COL22A1: variants seen among roughly 807,000 people sequenced by gnomAD.
COL22A1 encodes the protein collagen alpha-1(XXII) chain.
In COL22A1, 221 loss-of-function variants were observed where a neutral mutation model predicts 248.9. The observed-to-expected ratio is 0.89, with a 90% CI of 0.80 to 0.99. The LOEUF is 0.99. COL22A1 is among the 50% of genes least tolerant of loss of function. COL22A1 has a pLI of 0.00. For missense variants in COL22A1, 2,240 were observed against 2,179.0 expected, an observed-to-expected ratio of 1.03 and a Z score of -0.56; for synonymous variants, 891 against 793.4, an observed-to-expected ratio of 1.12 and a Z score of -2.07.
chr8:138,828,978 ACTTCC>A (rs918238835), intron 5 of COL22A1, among the ~76,000 whole-genome samples: 5 of 152,062 alleles, frequency 3.3e-5, no homozygotes, highest in African/African-American at 9.7e-5. Context: ...CATGATATTG[ACTTCC>A]CTGCTGGAGG....
rs747861811 is a variant in COL22A1 at position 138,751,508 on chromosome 8, G to A, written c.2035C>T (p.Pro679Ser). The A allele has an allele frequency of 6.8e-6, 11 of 1,610,748 alleles. No homozygotes were observed. The highest frequency in any genetic ancestry group is 1.1e-5 in the South Asian group (1 of 90,768). Residue 679 changes from proline to serine, a missense_variant, in exon 22 of 65, where the codon CCA (proline) becomes TCA (serine). Pro to Ser is a moderately conservative substitution (Grantham distance 74). Transcript: ENST00000303045. The stretch of plus-strand genomic sequence containing the variant: ...CCATCCCTGCCTTCTGGGCCTATTG[G>A]ACCCTTTAGGAGGGAGAAAAAGGAA... ...GAPGPPGARGPIGPEGRDGPP... is the reference protein window; with the variant it reads ...GAPGPPGARGSIGPEGRDGPP...
At chr8:138,871,951 G>A (rs1292571522) in intron 3 of COL22A1, among the ~76,000 whole-genome samples, 1 of 152,144 alleles carries the variant, frequency 6.6e-6, no homozygotes. Flanking sequence ...ATAAGTATCA[G>A]TACACCTACC....
intron 1 of COL22A1, among the ~76,000 whole-genome samples, chr8:138,883,778 G>C (rs1025846684): frequency 2.0e-5 from 3 of 152,134 alleles, no homozygotes; most frequent in African/African-American, 7.2e-5. Context: ...ATAACTGTAA[G>C]TTCCCTGGGG....
chr8:138,822,600 C>T (rs995247994), intron 6 of COL22A1, among the ~76,000 whole-genome samples: 1 of 152,178 alleles, frequency 6.6e-6, no homozygotes, highest in Admixed American at 6.5e-5. Flanking sequence ...CTCTAATATT[C>T]ACGTGTTGCC....
chr8:138,872,165 A>G (rs1439918794), intron 3 of COL22A1, among the ~76,000 whole-genome samples: 1 of 152,194 alleles, frequency 6.6e-6, no homozygotes, highest in Non-Finnish European at 1.5e-5. Flanking sequence ...CTCCTCACAC[A>G]AAAGAAGCCT....
chr8:138,803,521 T>TA (rs1033298736), intron 10 of COL22A1, among the ~76,000 whole-genome samples: 128 of 149,558 alleles, frequency 8.6e-4, no homozygotes, highest in African/African-American at 3.1e-3. Context: ...TAAAGTATAA[T>TA]AAAAAAATAA....
intron 23 of COL22A1, among the ~76,000 whole-genome samples, chr8:138,731,527 C>A (rs1348077683): frequency 1.3e-5 from 2 of 152,022 alleles, no homozygotes; most frequent in Non-Finnish European, 2.9e-5. Context: ...TGGGACACAA[C>A]CTGATACTCA....
rs549148133 is a variant in COL22A1 at position 138,771,843 on chromosome 8, C to T, written c.1803+4123G>A. 8.5e-5 allele frequency among the ~76,000 whole-genome samples: 13 copies of T among 152,292 alleles called. No homozygotes were observed. The East Asian group carries it at 1.5e-3, about 18-fold the overall frequency. ...TGTCCCAGTGGCAGACCTGGCCCCC[C>T]GGGGCCTGCGGAGAGCTCTTTGCTT... On this transcript the variant is annotated intron_variant, in intron 16 of 64. Transcript: ENST00000303045.
intron 27 of COL22A1, among the ~76,000 whole-genome samples, chr8:138,720,444 G>A (rs969270453): frequency 2.0e-5 from 3 of 151,908 alleles, no homozygotes; most frequent in Admixed American, 6.6e-5. Flanking sequence ...GGCTCTTTCC[G>A]GCTCTCGTGG....
intron 56 of COL22A1, among the ~76,000 whole-genome samples, chr8:138,610,673 C>T (rs776012413): frequency 2.0e-5 from 3 of 152,216 alleles, no homozygotes; most frequent in Non-Finnish European, 2.9e-5. Context: ...GGCCATGCCC[C>T]ACCCCGCATG....
intron 27 of COL22A1, among the ~76,000 whole-genome samples, chr8:138,717,464 TTTTAG>T (rs1230323734): frequency 6.6e-6 from 1 of 152,014 alleles, no homozygotes; most frequent in African/African-American, 2.4e-5. Flanking sequence ...ATTTTTTTAT[TTTTAG>T]TTTTAGTTTT....
chr8:138,711,401 G>A (rs1166237037), intron 30 of COL22A1, among the ~76,000 whole-genome samples: 1 of 152,186 alleles, frequency 6.6e-6, no homozygotes, highest in Non-Finnish European at 1.5e-5. Flanking sequence ...ATATTTCTCT[G>A]GAGGAAAAGA....
At chr8:138,835,762 T>G (rs1820382391) in intron 4 of COL22A1, among the ~76,000 whole-genome samples, 1 of 152,214 alleles carries the variant, frequency 6.6e-6, no homozygotes, top group Admixed American at 6.5e-5. Flanking sequence ...AAATGAGCTG[T>G]GTGGCCTTGA....
intron 16 of COL22A1, among the ~76,000 whole-genome samples, chr8:138,770,716 C>T (rs377731968): frequency 9.2e-5 from 14 of 152,308 alleles, no homozygotes; most frequent in African/African-American, 1.2e-4. Context: ...AAGGGGTGTT[C>T]GGCATCACGC....
chr8:138,673,501 G>A (rs1357457396), intron 41 of COL22A1, among the ~76,000 whole-genome samples: 1 of 152,158 alleles, frequency 6.6e-6, no homozygotes, highest in African/African-American at 2.4e-5. Context: ...GAGCCACCAT[G>A]CCCGGCCCCA....
chr8:138,868,733 CCT>C (rs1491462739), intron 3 of COL22A1, among the ~76,000 whole-genome samples: 1 of 124,544 alleles, frequency 8.0e-6, no homozygotes. Flanking sequence ...TCATTGTCCT[CCT>C]TTTTTTTTTT....
At chr8:138,857,058 C>T (rs922914770) in intron 3 of COL22A1, among the ~76,000 whole-genome samples, 6 of 152,072 alleles carry the variant, frequency 3.9e-5, no homozygotes, top group Admixed American at 3.9e-4. Flanking sequence ...CTGTCCCCTC[C>T]TGGCCTTGCT....
rs1050314543 is a variant in COL22A1 at position 138,843,976 on chromosome 8, G to A, written c.733+108C>T. The A allele has an allele frequency of 4.2e-6, 4 of 941,382 alleles. No individual in the cohort carries two copies. In the East Asian group the frequency reaches 9.6e-5, roughly 23 times the overall value. The allele number at this position is 941,382 out of a possible 1,614,324, so 58.3% of individuals were successfully genotyped here. A position where few individuals can be genotyped will look rare whatever the true frequency, so the allele number is the denominator to read the frequency against. On this transcript the variant is annotated intron_variant, in intron 4 of 64. Coordinates refer to ENST00000303045, the MANE Select transcript of COL22A1 (RefSeq NM_152888.3). The stretch of plus-strand genomic sequence containing the variant: ...TTATCAGGACTCTGGTGAAATATGG[G>A]AACAAGAACAGGGTCAGTGAGGCCA...
intron 3 of COL22A1, among the ~76,000 whole-genome samples, chr8:138,863,455 C>T (rs1182933135): frequency 1.3e-5 from 2 of 152,102 alleles, no homozygotes; most frequent in East Asian, 3.9e-4. Flanking sequence ...GGAAACCATC[C>T]CAGCCCCACC....
Sources: gnomAD v4.1 joint callset for allele counts (sites outside exome capture counted in the v4.1 genomes callset) on GRCh38, gnomAD v4.1.1 for gene constraint, MANE v1.5 for transcripts, NCBI Gene and HGNC (gene_info 2026-07-23, HGNC 2026-07-21) for gene names.